The following SELENOT variants were observed in gnomAD, a reference collection of about 807,000 sequenced individuals.
SELENOT encodes thioredoxin reductase-like selenoprotein T.
Under a neutral mutation model 24.3 loss-of-function variants are expected in SELENOT, and 9 were observed. The observed-to-expected ratio is 0.37, with a 90% CI of 0.22 to 0.65. The LOEUF is 0.65. Among genes scored for constraint, SELENOT ranks in the 30% least tolerant of loss-of-function variants. The pLI is 0.60. For missense variants in SELENOT, 166 were observed against 247.6 expected, an observed-to-expected ratio of 0.67 and a Z score of 2.21; for synonymous variants, 81 against 86.0, an observed-to-expected ratio of 0.94 and a Z score of 0.32.
At chr3:150,619,392 T>TG (rs1726290544) in intron 1 of SELENOT, among the ~76,000 whole-genome samples, 2 of 148,896 alleles carry the variant, frequency 1.3e-5, no homozygotes, top group Middle Eastern at 3.8e-3. Context: ...AAAAATTAGC[T>TG]GGGCACGGCG....
chr3:150,615,646 T>C (rs1347653867), intron 1 of SELENOT, among the ~76,000 whole-genome samples: 1 of 152,158 alleles, frequency 6.6e-6, no homozygotes. Flanking sequence ...TTACAAGGGA[T>C]GTGAAGAACC....
intron 1 of SELENOT, among the ~76,000 whole-genome samples, chr3:150,606,767 A>G (rs769903570): frequency 6.6e-6 from 1 of 151,968 alleles, no homozygotes; most frequent in Non-Finnish European, 1.5e-5. Context: ...TAATTTTTGT[A>G]TTTTTAGTAG....
intron 1 of SELENOT, among the ~76,000 whole-genome samples, chr3:150,606,681 C>T (rs887161774): frequency 1.3e-5 from 2 of 151,824 alleles, no homozygotes; most frequent in African/African-American, 2.4e-5. Context: ...CAACCTCTGC[C>T]TCCTGGGCTC....
intron 1 of SELENOT, among the ~76,000 whole-genome samples, chr3:150,604,763 T>C (rs1381211723): frequency 6.6e-6 from 1 of 152,166 alleles, no homozygotes; most frequent in Non-Finnish European, 1.5e-5. Context: ...AAGGCCGGGC[T>C]CGCTGGCTCA....
chr3:150,611,760 C>T, intron 1 of SELENOT: 1 of 1,296,064 alleles, frequency 7.7e-7, no homozygotes, highest in Non-Finnish European at 1.1e-6. Flanking sequence ...AGGGGCCCAG[C>T]CGCTGAGACC....
chr3:150,620,600 A>G (rs1726321538), intron 1 of SELENOT, among the ~76,000 whole-genome samples: 1 of 152,340 alleles, frequency 6.6e-6, no homozygotes, highest in Non-Finnish European at 1.5e-5. Flanking sequence ...AACTTCGGAA[A>G]AGTCACGTTA....
chr3:150,604,985 C>T (rs1674505392), intron 1 of SELENOT, among the ~76,000 whole-genome samples: 1 of 143,876 alleles, frequency 7.0e-6, no homozygotes, highest in Non-Finnish European at 1.5e-5. Context: ...TGCGGTGAGC[C>T]GAGAACGCGC....
chr3:150,623,840 C>T (rs1339972767), intron 3 of SELENOT, among the ~76,000 whole-genome samples: 1 of 151,946 alleles, frequency 6.6e-6, no homozygotes, highest in Non-Finnish European at 1.5e-5. Context: ...ACTGTCCTGT[C>T]TAAAATGGGT....
At chr3:150,617,354 A>C (rs1726240258) in intron 1 of SELENOT, among the ~76,000 whole-genome samples, 1 of 152,160 alleles carries the variant, frequency 6.6e-6, no homozygotes, top group Non-Finnish European at 1.5e-5. Flanking sequence ...TAATCCTAGC[A>C]CTTTGGGAGG....
intron 1 of SELENOT, among the ~76,000 whole-genome samples, chr3:150,607,778 G>A (rs958434133): frequency 1.3e-5 from 2 of 152,182 alleles, no homozygotes; most frequent in African/African-American, 2.4e-5. Flanking sequence ...AGTTTTACCA[G>A]AGAAGCCTAA....
intron 1 of SELENOT, among the ~76,000 whole-genome samples, chr3:150,616,414 A>G (rs1366911603): frequency 2.1e-5 from 3 of 145,212 alleles, no homozygotes; most frequent in Non-Finnish European, 4.5e-5. Flanking sequence ...TGAACAGGCA[A>G]CCTACAAAAT....
intron 1 of SELENOT, among the ~76,000 whole-genome samples, chr3:150,621,988 C>A (rs1043582126): frequency 1.3e-5 from 2 of 151,980 alleles, no homozygotes; most frequent in South Asian, 4.1e-4. Context: ...TTTCATTTCA[C>A]TGTTTATACA....
rs1461803316 is a variant in SELENOT, at chr3:150,628,485, CTTTAG to C, written c.*857_*861del. On this transcript the variant is annotated 3_prime_UTR_variant, in exon 6 of 6. Coordinates refer to ENST00000471696, the MANE Select transcript of SELENOT (RefSeq NM_016275.5). ...ATGGATAATTTCTTAAGAGTACACA[CTTTAG>C]ATACACAAATAATCGTTCATTTACC... The C allele has an allele frequency of 2.0e-5, 3 of 152,408 alleles. No homozygotes were observed. The highest frequency in any genetic ancestry group is 2.9e-5 in the Non-Finnish European group (2 of 68,002). 9.4% of individuals were successfully genotyped at this position (152,408 alleles called of 1,614,324 possible).
intron 4 of SELENOT, among the ~76,000 whole-genome samples, chr3:150,625,616 A>C (rs1726422456): frequency 6.6e-6 from 1 of 152,116 alleles, no homozygotes; most frequent in Admixed American, 6.6e-5. Flanking sequence ...ATGAGCTAAT[A>C]ATGTTTTTTA....
At chr3:150,622,523 A>G (rs891242036) in intron 2 of SELENOT, 28 bp downstream of exon 2, 6 of 1,146,808 alleles carry the variant, frequency 5.2e-6, no homozygotes, top group Non-Finnish European at 7.3e-6. Context: ...CTTAAAAGGA[A>G]AACAATGTAT....
At chr3:150,611,375 C>T in intron 1 of SELENOT, 2 of 1,205,466 alleles carry the variant, frequency 1.7e-6, no homozygotes, top group Admixed American at 1.7e-5. Flanking sequence ...AAGTGGCAAC[C>T]AACTATCTCA....
chr3:150,621,599 C>G (rs1431872147), intron 1 of SELENOT, among the ~76,000 whole-genome samples: 1 of 121,128 alleles, frequency 8.3e-6, no homozygotes, highest in African/African-American at 3.0e-5. Context: ...CATATGCACT[C>G]TGGTGGCATA....
chr3:150,624,731 A>T, intron 3 of SELENOT, 81 bp from the exon 4 acceptor site: 1 of 828,528 alleles, frequency 1.2e-6, no homozygotes, highest in Non-Finnish European at 1.9e-6. Context: ...AATAGTTTTT[A>T]TGGGAACTTT....
Position 150,603,420 on chromosome 3 carries a change from T to C in SELENOT, c.58T>C (p.Ser20Pro), listed in dbSNP as rs1242480325. Reference protein sequence around the residue: ...AASAMVRSEASANLGGVPSKR... With the variant: ...AASAMVRSEAPANLGGVPSKR... ...GTCTGCGATGGTCCGGAGCGAGGCCTCGGCCAATCTGGGCGGCGTGCCCAG... is the reference window on the plus strand; with the variant it reads ...GTCTGCGATGGTCCGGAGCGAGGCCCCGGCCAATCTGGGCGGCGTGCCCAG... Residue 20 changes from serine to proline, a missense_variant, in exon 1 of 6, where the codon TCG (serine) becomes CCG (proline). Around this residue, in one of 5 missense-constraint regions of SELENOT, gnomAD observed 46 missense variants for 49.3 expected, o/e 0.93. Coordinates refer to ENST00000471696, the MANE Select transcript of SELENOT (RefSeq NM_016275.5). The C allele has an allele frequency of 6.2e-7, 1 of 1,613,440 alleles. No homozygotes were observed. The highest frequency in any genetic ancestry group is 1.7e-5 in the Admixed American group (1 of 60,000).
Sources: allele counts gnomAD v4.1 joint callset (sites outside exome capture counted in the v4.1 genomes callset), GRCh38; gene constraint gnomAD v4.1.1; regional missense constraint gnomAD v4.1.1; transcripts MANE v1.5; gene names NCBI Gene and HGNC (gene_info 2026-07-23, HGNC 2026-07-21).